The following EFNA5 variants were observed in gnomAD, a reference collection of about 807,000 sequenced individuals.
The protein encoded by EFNA5 is ephrin-A5.
In EFNA5, 5 loss-of-function variants were observed where a neutral mutation model predicts 22.9. The ratio of observed to expected loss-of-function variants is 0.22; its 90% confidence interval spans 0.11 to 0.46. The LOEUF is 0.46. Among genes scored for constraint, EFNA5 ranks in the 20% least tolerant of loss-of-function variants. The pLI is 0.99. For synonymous variants in EFNA5, 113 were observed against 112.2 expected, an observed-to-expected ratio of 1.01 and a Z score of -0.04; for missense variants, 237 against 293.3, an observed-to-expected ratio of 0.81 and a Z score of 1.40.
chr5:107,449,078 G>T (rs1455082091), intron 1 of EFNA5, among the ~76,000 whole-genome samples: 1 of 151,844 alleles, frequency 6.6e-6, no homozygotes. Context: ...TGTCCTAAAG[G>T]TTCTATAACA....
chr5:107,414,454 C>T (rs1748453276), intron 2 of EFNA5, among the ~76,000 whole-genome samples: 1 of 152,108 alleles, frequency 6.6e-6, no homozygotes, highest in South Asian at 2.1e-4. Context: ...GGACAAAAAT[C>T]ATATTGAATA....
At chr5:107,462,503 CTA>C (rs1400836717) in intron 1 of EFNA5, among the ~76,000 whole-genome samples, 3 of 152,114 alleles carry the variant, frequency 2.0e-5, no homozygotes, top group East Asian at 1.9e-4. Context: ...TGGGTCCACA[CTA>C]TGAGTTAGAC....
intron 1 of EFNA5, among the ~76,000 whole-genome samples, chr5:107,500,706 C>A (rs1397128500): frequency 6.6e-6 from 1 of 152,086 alleles, no homozygotes; most frequent in Admixed American, 6.6e-5. Flanking sequence ...AAAAATTAGC[C>A]TGCTCTACCC....
intron 1 of EFNA5, among the ~76,000 whole-genome samples, chr5:107,568,956 T>C (rs1327471950): frequency 6.6e-6 from 1 of 152,208 alleles, no homozygotes; most frequent in African/African-American, 2.4e-5. Flanking sequence ...TCAGGACAGC[T>C]AAATATATGA....
intron 1 of EFNA5, among the ~76,000 whole-genome samples, chr5:107,445,952 T>A (rs992564478): frequency 2.0e-5 from 3 of 152,208 alleles, no homozygotes; most frequent in African/African-American, 7.2e-5. Context: ...TAACTGAGAA[T>A]AAACAACTAT....
At chr5:107,391,568 T>G (rs910677217) in intron 2 of EFNA5, among the ~76,000 whole-genome samples, 2 of 152,210 alleles carry the variant, frequency 1.3e-5, no homozygotes, top group Non-Finnish European at 2.9e-5. Context: ...ACATGGATTT[T>G]CTAATAGAAT....
At chr5:107,630,064 A>G (rs1377838989) in intron 1 of EFNA5, among the ~76,000 whole-genome samples, 1 of 152,108 alleles carries the variant, frequency 6.6e-6, no homozygotes, top group African/African-American at 2.4e-5. Context: ...TCAAAAAAAA[A>G]AAAAGAAAAA....
intron 1 of EFNA5, among the ~76,000 whole-genome samples, chr5:107,602,505 G>C (rs1320722056): frequency 1.3e-5 from 2 of 152,118 alleles, no homozygotes; most frequent in East Asian, 1.9e-4. Context: ...AGGAAACCCA[G>C]AACATCAGGA....
chr5:107,645,767 A>C (rs1442341559), intron 1 of EFNA5, among the ~76,000 whole-genome samples: 1 of 152,244 alleles, frequency 6.6e-6, no homozygotes, highest in Non-Finnish European at 1.5e-5. Context: ...CTAAAACAAC[A>C]ATAAAAGACT....
intron 1 of EFNA5, among the ~76,000 whole-genome samples, chr5:107,588,234 TA>T (rs111263136): frequency 1.8e-3 from 257 of 145,634 alleles, no homozygotes; most frequent in Middle Eastern, 7.0e-3. Flanking sequence ...TATTTTTCGT[TA>T]AAAAAAAAAA....
At chr5:107,517,173 A>G (rs542404470) in intron 1 of EFNA5, among the ~76,000 whole-genome samples, 8 of 151,864 alleles carry the variant, frequency 5.3e-5, no homozygotes, top group Non-Finnish European at 1.2e-4. Flanking sequence ...AAAAAAAAAG[A>G]TGGAAAAAAG....
intron 1 of EFNA5, among the ~76,000 whole-genome samples, chr5:107,585,410 C>A (rs1374843653): frequency 1.3e-5 from 2 of 152,112 alleles, no homozygotes; most frequent in Non-Finnish European, 2.9e-5. Flanking sequence ...CAATTCAAGG[C>A]AAGCAGGAAA....
chr5:107,427,326 G>A lies in EFNA5; in HGVS notation c.309C>T (p.Asn103=), dbSNP rs1339456459. The stretch of plus-strand genomic sequence containing the variant: ...GCGGTCCATTTGGAGAGTGAGGCCG[G>A]TTACATTCCCATCTCTTGAACCCTT... ...TSKGFKRWEC[N]RPHSPNGPLK... is the part of the protein sequence containing the mutation. Residue 103 remains asparagine, a synonymous_variant, in exon 2 of 5, where the codon AAC becomes AAT. Coordinates refer to ENST00000333274, the MANE Select transcript of EFNA5 (RefSeq NM_001962.3). The A allele has an allele frequency of 3.7e-6, 6 of 1,614,002 alleles. No individual in the cohort carries two copies. In the African/African-American group the frequency reaches 4.0e-5, roughly 11 times the overall value.
intron 1 of EFNA5, among the ~76,000 whole-genome samples, chr5:107,470,484 C>G (rs1174927768): frequency 1.3e-5 from 2 of 152,170 alleles, no homozygotes; most frequent in African/African-American, 4.8e-5. Flanking sequence ...GCAGTGAAAC[C>G]ATTAATGTCT....
chr5:107,663,509 C>T (rs1002778670), intron 1 of EFNA5, among the ~76,000 whole-genome samples: 8 of 152,052 alleles, frequency 5.3e-5, no homozygotes, highest in African/African-American at 1.4e-4. Context: ...ACTTTTAGTT[C>T]ACACCAGAAT....
chr5:107,432,673 G>T (rs952999244), intron 1 of EFNA5, among the ~76,000 whole-genome samples: 2 of 152,176 alleles, frequency 1.3e-5, no homozygotes, highest in Admixed American at 6.5e-5. Flanking sequence ...TTTTCACAGT[G>T]TAAAAGTCTC....
intron 1 of EFNA5, among the ~76,000 whole-genome samples, chr5:107,519,813 G>A (rs1747558054): frequency 1.3e-5 from 2 of 152,168 alleles, no homozygotes. Context: ...AGCAGTTAGT[G>A]CATTTTCATT....
chr5:107,611,915 T>C lies in EFNA5; in HGVS notation c.125+58574A>G, dbSNP rs558760217. 8.5e-4 allele frequency among the ~76,000 whole-genome samples: 130 copies of C among 152,338 alleles called. 5 individuals are homozygous for C. In the South Asian group the frequency reaches 0.027, roughly 31 times the overall value. On this transcript the variant is annotated intron_variant, in intron 1 of 4. Transcript: ENST00000333274. Reference sequence around the variant, plus strand: ...TGTAAGGAGTAGTTATTTCAAATCATTTTCTCTGCTCGTTTTCATTTATGG... The same window carrying C: ...TGTAAGGAGTAGTTATTTCAAATCACTTTCTCTGCTCGTTTTCATTTATGG...
chr5:107,391,453 A>G (rs1315786789), intron 2 of EFNA5, among the ~76,000 whole-genome samples: 1 of 152,196 alleles, frequency 6.6e-6, no homozygotes, highest in Admixed American at 6.5e-5. Context: ...GACAGAAGAC[A>G]TTTTATCCCT....
Sources: gnomAD v4.1 joint callset for allele counts (sites outside exome capture counted in the v4.1 genomes callset) on GRCh38, gnomAD v4.1.1 for gene constraint, MANE v1.5 for transcripts, NCBI Gene and HGNC (gene_info 2026-07-23, HGNC 2026-07-21) for gene names.